The following SOX5 variants were observed in gnomAD, a reference collection of about 807,000 sequenced individuals.
The protein encoded by SOX5 is transcription factor SOX-5.
Under a neutral mutation model 92.0 loss-of-function variants are expected in SOX5, and 9 were observed. The observed-to-expected ratio is 0.10, with a 90% CI of 0.06 to 0.17. The LOEUF (loss-of-function observed/expected upper bound fraction) is 0.17. Ranked by LOEUF, SOX5 falls within the 10% of genes least tolerant of loss-of-function variation. The pLI, the probability that SOX5 is intolerant of heterozygous loss-of-function variation, is 1.00. For missense variants in SOX5, 642 were observed against 944.5 expected (o/e 0.68, Z 4.20); for synonymous variants, 344 against 336.3 (o/e 1.02, Z -0.25).
chr12:24,228,781 C>T (rs979242421), intron 3 of SOX5, among the ~76,000 whole-genome samples: 2 of 152,140 alleles, frequency 1.3e-5, no homozygotes, highest in Non-Finnish European at 2.9e-5. Flanking sequence ...CTTTCAACTC[C>T]TCGGGATTCT....
At chr12:23,832,347 T>A (rs1319176207) in intron 3 of SOX5, among the ~76,000 whole-genome samples, 1 of 152,114 alleles carries the variant, frequency 6.6e-6, no homozygotes, top group Non-Finnish European at 1.5e-5. Flanking sequence ...CTAGGATTTT[T>A]ATGACTGTTG....
At chr12:24,375,612 T>C (rs1437930573) in intron 1 of SOX5, among the ~76,000 whole-genome samples, 1 of 151,784 alleles carries the variant, frequency 6.6e-6, no homozygotes, top group African/African-American at 2.4e-5. Context: ...GGTGGGCACC[T>C]GTAACCTCAG....
chr12:24,252,725 G>T lies in SOX5; in HGVS notation c.-77+24491C>A, dbSNP rs79128595. Among the ~76,000 whole-genome samples, 873 of 150,472 alleles carry T rather than the reference G, an allele frequency of 5.8e-3. 13 individuals are homozygous for T. The highest frequency in any genetic ancestry group is 0.021 in the African/African-American group (844 of 41,020). ...AAAAAAAGAGGGTTGACCATAACCCGAGGCCCCAGCTCCTGCAGAGTGCCT... is the reference window on the plus strand; with the variant it reads ...AAAAAAAGAGGGTTGACCATAACCCTAGGCCCCAGCTCCTGCAGAGTGCCT... On this transcript the variant is annotated intron_variant, in intron 3 of 4. Coordinates refer to the SOX5 transcript ENST00000446891.
intron 8 of SOX5, among the ~76,000 whole-genome samples, chr12:23,637,819 T>A (rs1003390659): frequency 1.3e-5 from 2 of 152,116 alleles, no homozygotes; most frequent in African/African-American, 4.8e-5. Context: ...ATTATGTAAC[T>A]AAAGACACAG....
At chr12:24,300,049 G>T (rs565514629) in intron 2 of SOX5, among the ~76,000 whole-genome samples, 2 of 152,262 alleles carry the variant, frequency 1.3e-5, no homozygotes, top group South Asian at 4.2e-4. Context: ...AACAATTCAA[G>T]AATTTAGGGA....
intron 3 of SOX5, among the ~76,000 whole-genome samples, chr12:23,762,030 T>C (rs1207191367): frequency 6.6e-6 from 1 of 152,150 alleles, no homozygotes; most frequent in African/African-American, 2.4e-5. Context: ...CTGGAAATCA[T>C]ATATCAGTAA....
intron 1 of SOX5, among the ~76,000 whole-genome samples, chr12:23,908,002 C>T (rs1042579894): frequency 6.6e-6 from 1 of 152,120 alleles, no homozygotes; most frequent in Admixed American, 6.6e-5. Flanking sequence ...TGCCCATCCC[C>T]ACTCTTGCTC....
At chr12:24,557,741 A>T (rs1355167998) in intron 1 of SOX5, among the ~76,000 whole-genome samples, 1 of 152,204 alleles carries the variant, frequency 6.6e-6, no homozygotes, top group African/African-American at 2.4e-5. Context: ...AGCATCAGAG[A>T]TACAATCAGG....
chr12:24,079,830 T>C (rs958758522), intron 4 of SOX5, among the ~76,000 whole-genome samples: 3 of 151,994 alleles, frequency 2.0e-5, no homozygotes, highest in Non-Finnish European at 4.4e-5. Context: ...ACACCTTTTT[T>C]TGTAGTTACA....
intron 4 of SOX5, among the ~76,000 whole-genome samples, chr12:24,117,413 A>G (rs189837836): frequency 7.1e-4 from 108 of 152,138 alleles, no homozygotes; most frequent in African/African-American, 2.5e-3. Flanking sequence ...GTTCCTCAAA[A>G]AAACTAAAAA....
At chr12:24,086,779 C>T (rs769964071) in intron 4 of SOX5, among the ~76,000 whole-genome samples, 24 of 151,872 alleles carry the variant, frequency 1.6e-4, no homozygotes, top group Non-Finnish European at 3.1e-4. Flanking sequence ...TTACATTAGT[C>T]GTTACATATA....
chr12:24,333,920 G>C (rs563171017), intron 2 of SOX5, among the ~76,000 whole-genome samples: 27 of 149,360 alleles, frequency 1.8e-4, no homozygotes, highest in Non-Finnish European at 3.4e-4. Flanking sequence ...TATATGGACT[G>C]AATTAATGAT....
upstream of SOX5, among the ~76,000 whole-genome samples, chr12:23,953,794 C>T (rs1383593159): frequency 1.3e-5 from 2 of 151,890 alleles, no homozygotes; most frequent in Non-Finnish European, 2.9e-5. Flanking sequence ...TCAGAGATGA[C>T]CAAAGTGCAA....
chr12:23,687,907 T>C (rs955873624), intron 6 of SOX5, among the ~76,000 whole-genome samples: 1 of 151,918 alleles, frequency 6.6e-6, no homozygotes, highest in African/African-American at 2.4e-5. Context: ...AAAAAGGTTT[T>C]GTTTGGTGTT....
At chr12:24,152,001 T>G (rs1951705635) in intron 4 of SOX5, among the ~76,000 whole-genome samples, 1 of 152,194 alleles carries the variant, frequency 6.6e-6, no homozygotes, top group Non-Finnish European at 1.5e-5. Context: ...AATGTCTCAT[T>G]GAATTCATTA....
intron 3 of SOX5, among the ~76,000 whole-genome samples, chr12:23,805,662 T>C (rs1306838019): frequency 6.6e-6 from 1 of 152,068 alleles, no homozygotes; most frequent in African/African-American, 2.4e-5. Context: ...CAAATATATA[T>C]GGCCAAACAC....
chr12:23,544,536 A>C (rs1457044389), intron 12 of SOX5, among the ~76,000 whole-genome samples: 1 of 152,200 alleles, frequency 6.6e-6, no homozygotes, highest in Non-Finnish European at 1.5e-5. Context: ...CACAGGAATC[A>C]AACAAAATTG....
intron 3 of SOX5, among the ~76,000 whole-genome samples, chr12:23,761,235 A>T (rs560062151): frequency 6.6e-6 from 1 of 152,182 alleles, no homozygotes; most frequent in Non-Finnish European, 1.5e-5. Flanking sequence ...TAAGCACTTC[A>T]TAAAAGCAAT....
intron 5 of SOX5, 120 bp downstream of exon 5, chr12:23,740,747 T>C (rs1159010961): frequency 2.3e-6 from 2 of 880,096 alleles, no homozygotes; most frequent in Non-Finnish European, 3.3e-6. Flanking sequence ...CCTTTGAATT[T>C]ATTTAACTGG....
Sources: gnomAD v4.1 joint callset for allele counts (sites outside exome capture counted in the v4.1 genomes callset) on GRCh38, gnomAD v4.1.1 for gene constraint, MANE v1.5 for transcripts, NCBI Gene and HGNC (gene_info 2026-07-23, HGNC 2026-07-21) for gene names.